The following RALGAPA1 variants were observed in gnomAD, a reference collection of about 807,000 sequenced individuals.
The protein encoded by RALGAPA1 is ral GTPase-activating protein subunit alpha-1.
Under a neutral mutation model 269.6 loss-of-function variants are expected in RALGAPA1, and 52 were observed. That is an observed-to-expected ratio of 0.19 (90% CI 0.15 to 0.24). The LOEUF (loss-of-function observed/expected upper bound fraction) is 0.24, where lower values mean the gene tolerates loss of function less well. RALGAPA1 is among the 10% of genes least tolerant of loss of function. The pLI, the probability that RALGAPA1 is intolerant of heterozygous loss-of-function variation, is 1.00. For synonymous variants in RALGAPA1, 817 were observed against 1,008.3 expected, an observed-to-expected ratio of 0.81 and a Z score of 3.60; for missense variants, 1,917 against 3,013.9, an observed-to-expected ratio of 0.64 and a Z score of 8.52.
At chr14:35,715,753 A>T (rs2068760441) in intron 16 of RALGAPA1, 1 of 985,204 alleles carries the variant, frequency 1.0e-6, no homozygotes, top group Admixed American at 6.1e-5. Context: ...TTAACATGGA[A>T]GTCTTCAATT....
At chr14:35,668,621 T>C (rs1469167987) in intron 26 of RALGAPA1, among the ~76,000 whole-genome samples, 1 of 152,162 alleles carries the variant, frequency 6.6e-6, no homozygotes, top group East Asian at 1.9e-4. Context: ...GGTGAGACCC[T>C]GTTTCTACAA....
At chr14:35,563,592 C>G (rs1194198963) in intron 39 of RALGAPA1, among the ~76,000 whole-genome samples, 1 of 152,138 alleles carries the variant, frequency 6.6e-6, no homozygotes. Flanking sequence ...TTTCAATAAG[C>G]AGTTAAGAGC....
chr14:35,641,157 A>G (rs2062002389), intron 31 of RALGAPA1, among the ~76,000 whole-genome samples: 2 of 152,296 alleles, frequency 1.3e-5, no homozygotes, highest in Admixed American at 1.3e-4. Context: ...AGAGAAACTG[A>G]AATCCTTTTC....
chr14:35,711,798 C>T (rs1308490058), intron 16 of RALGAPA1, among the ~76,000 whole-genome samples: 2 of 152,048 alleles, frequency 1.3e-5, no homozygotes, highest in Non-Finnish European at 2.9e-5. Flanking sequence ...TAAAACAATG[C>T]TGTACCACTT....
At chr14:35,548,559 A>C in intron 40 of RALGAPA1, 21 bp from the exon 41 acceptor site, 8 of 1,524,994 alleles carry the variant, frequency 5.2e-6, no homozygotes, top group Non-Finnish European at 7.2e-6. Flanking sequence ...AAAATAAATG[A>C]AACAATCATA....
intron 27 of RALGAPA1, among the ~76,000 whole-genome samples, chr14:35,659,407 T>C (rs1384158453): frequency 6.6e-6 from 1 of 152,108 alleles, no homozygotes; most frequent in African/African-American, 2.4e-5. Flanking sequence ...CATTTCTTCC[T>C]GATTAGAAGA....
intron 1 of RALGAPA1, among the ~76,000 whole-genome samples, chr14:35,784,806 A>T (rs2075688248): frequency 6.6e-6 from 1 of 152,184 alleles, no homozygotes; most frequent in Non-Finnish European, 1.5e-5. Flanking sequence ...AAGACTAGCT[A>T]GTTACTAGTA....
chr14:35,672,767 T>A, intron 25 of RALGAPA1, 100 bp downstream of exon 25: 1 of 1,143,004 alleles, frequency 8.7e-7, no homozygotes, highest in South Asian at 2.2e-5. Flanking sequence ...GGGGGAGAGT[T>A]TAACTTCTAG....
At position 35,742,063 on chromosome 14, in the gene RALGAPA1, T is replaced by C. The variant is rs372327596; in HGVS notation, c.1449+305A>G. 2.2e-4 allele frequency among the ~76,000 whole-genome samples: 34 copies of C among 152,314 alleles called. No individual in the cohort carries two copies. The East Asian group carries it at 4.8e-3, about 22-fold the overall frequency. ...CTGAAAGTATGTATTTTAAAATCCA[T>C]TTTGATGTAGTACCACAGTTTGAAA... On this transcript the variant is annotated intron_variant, in intron 11 of 41. Transcript: ENST00000680220.
chr14:35,724,921 C>T, intron 14 of RALGAPA1, 103 bp downstream of exon 14: 1 of 911,662 alleles, frequency 1.1e-6, no homozygotes, highest in Non-Finnish European at 1.5e-6. Flanking sequence ...TTTCTGGTAA[C>T]AAGTTCAGGG....
intron 13 of RALGAPA1, among the ~76,000 whole-genome samples, chr14:35,728,152 C>T (rs1329772923): frequency 1.3e-5 from 2 of 152,184 alleles, no homozygotes; most frequent in African/African-American, 4.8e-5. Context: ...TTCAGGAAGA[C>T]AGTCCAAGGG....
intron 6 of RALGAPA1, among the ~76,000 whole-genome samples, chr14:35,759,815 G>A (rs973352672): frequency 3.3e-5 from 5 of 151,710 alleles, no homozygotes; most frequent in Middle Eastern, 3.4e-3. Context: ...GGGAGGCTGA[G>A]GCAGAAGAAT....
chr14:35,637,635 T>G (rs192877019), intron 31 of RALGAPA1, among the ~76,000 whole-genome samples: 79 of 152,216 alleles, frequency 5.2e-4, no homozygotes, highest in African/African-American at 1.7e-3. Flanking sequence ...GGAGATAGAT[T>G]GGGATATAAA....
intron 39 of RALGAPA1, among the ~76,000 whole-genome samples, chr14:35,557,973 A>AT (rs917362675): frequency 6.6e-6 from 1 of 151,608 alleles, no homozygotes; most frequent in Non-Finnish European, 1.5e-5. Flanking sequence ...ATAAGCATTA[A>AT]TTTTTTTTTC....
In RALGAPA1 at chr14:35,592,217, A is replaced by G. The variant is rs575669850; in HGVS notation, c.7209+3417T>C. ...AGGCACTTCAGAAATAAGAAGGATT[A>G]TAAAGGACTATTATAAACAACTGTA... On this transcript the variant is annotated intron_variant, in intron 37 of 41. Coordinates refer to ENST00000680220, the MANE Select transcript of RALGAPA1 (RefSeq NM_001346249.2). Among the ~76,000 whole-genome samples, 20 of 152,356 alleles carry G rather than the reference A, an allele frequency of 1.3e-4. 1 individual carries two copies. In the East Asian group the frequency reaches 3.9e-3, roughly 29 times the overall value.
intron 10 of RALGAPA1, among the ~76,000 whole-genome samples, chr14:35,745,206 C>G (rs2071935861): frequency 6.6e-6 from 1 of 152,092 alleles, no homozygotes; most frequent in African/African-American, 2.4e-5. Flanking sequence ...TCAGAATATT[C>G]AAGTTCATAA....
chr14:35,543,409 C>T lies in RALGAPA1; in HGVS notation c.*24-3719G>A, dbSNP rs370337503. 2.6e-5 allele frequency among the ~76,000 whole-genome samples: 4 copies of T among 152,216 alleles called. No individual in the cohort carries two copies. The East Asian group carries it at 5.8e-4, about 22-fold the overall frequency. On this transcript the variant is annotated intron_variant, in intron 41 of 41. Coordinates refer to ENST00000680220, the MANE Select transcript of RALGAPA1 (RefSeq NM_001346249.2). ...GGAACATTTTTGAAGAAAATGACCACCTATACAAAATATTATTGTTCAAAT... is the reference window on the plus strand; with the variant it reads ...GGAACATTTTTGAAGAAAATGACCATCTATACAAAATATTATTGTTCAAAT...
intron 8 of RALGAPA1, 75 bp downstream of exon 8, chr14:35,751,949 C>A (rs1302523657): frequency 2.0e-6 from 3 of 1,517,880 alleles, no homozygotes; most frequent in Non-Finnish European, 2.6e-6. Flanking sequence ...CCTGCAGTAA[C>A]AAATGCCAAC....
chr14:35,767,161 A>G (rs2074225700), intron 4 of RALGAPA1: 1 of 189,624 alleles, frequency 5.3e-6, no homozygotes, highest in African/African-American at 2.4e-5. Flanking sequence ...CCTTTATACT[A>G]TCAAGTTTAT....
Sources: allele counts gnomAD v4.1 joint callset (sites outside exome capture counted in the v4.1 genomes callset), GRCh38; gene constraint gnomAD v4.1.1; transcripts MANE v1.5; gene names NCBI Gene and HGNC (gene_info 2026-07-23, HGNC 2026-07-21).